Variants in GPC6 observed in about 807,000 individuals in gnomAD.
GPC6 encodes the protein glypican 6, also known as glypican-6.
Under a neutral mutation model 55.2 loss-of-function variants are expected in GPC6, and 14 were observed. The observed-to-expected ratio is 0.25, with a 90% CI of 0.17 to 0.40. The LOEUF is 0.40. Ranked by LOEUF, GPC6 falls within the 10% of genes least tolerant of loss-of-function variation. The pLI is 1.00. For missense variants in GPC6, 641 were observed against 708.5 expected (o/e 0.90, Z 1.08); for synonymous variants, 278 against 259.6 (o/e 1.07, Z -0.68).
intron 3 of GPC6, among the ~76,000 whole-genome samples, chr13:93,849,704 G>C (rs898431860): frequency 3.3e-5 from 5 of 152,046 alleles, no homozygotes; most frequent in Admixed American, 6.6e-5. Flanking sequence ...CATCTTTCCA[G>C]AGGCTTGTTG....
chr13:93,906,659 A>G (rs1411726255), intron 3 of GPC6, among the ~76,000 whole-genome samples: 1 of 152,214 alleles, frequency 6.6e-6, no homozygotes, highest in African/African-American at 2.4e-5. Flanking sequence ...TAAGAAATAC[A>G]AAATGTAGAG....
At chr13:93,566,644 C>CTTTAATTTCAGGGATACATGTGCAGAA in intron 2 of GPC6, among the ~76,000 whole-genome samples, 3 of 150,636 alleles carry the variant, frequency 2.0e-5, no homozygotes, top group African/African-American at 7.4e-5. Flanking sequence ...TAAGCATGTG[C>CTTTAATTTCAGGGATACATGTGCAGAA]CATGGTGGTT....
intron 1 of GPC6, among the ~76,000 whole-genome samples, chr13:93,462,040 A>G (rs552059286): frequency 8.8e-4 from 134 of 152,306 alleles, no homozygotes; most frequent in Non-Finnish European, 1.4e-3. Context: ...CTTTTGATGG[A>G]AAGAAAGAAG....
At chr13:94,339,125 C>T (rs1405231026) in intron 6 of GPC6, among the ~76,000 whole-genome samples, 1 of 151,560 alleles carries the variant, frequency 6.6e-6, no homozygotes, top group Non-Finnish European at 1.5e-5. Flanking sequence ...AGTGAAGTGG[C>T]GCAAACACAG....
At chr13:93,747,664 A>G (rs1454168446) in intron 2 of GPC6, among the ~76,000 whole-genome samples, 1 of 152,192 alleles carries the variant, frequency 6.6e-6, no homozygotes, top group Non-Finnish European at 1.5e-5. Flanking sequence ...TCAACACTTC[A>G]TTAAGAAATA....
chr13:94,015,279 T>G (rs984364285), intron 3 of GPC6, among the ~76,000 whole-genome samples: 11 of 152,308 alleles, frequency 7.2e-5, no homozygotes, highest in African/African-American at 2.4e-4. Context: ...CCCTAATAAT[T>G]AATGATGTTG....
At chr13:93,958,464 A>G (rs79299640) in intron 3 of GPC6, among the ~76,000 whole-genome samples, 1 of 152,058 alleles carries the variant, frequency 6.6e-6, no homozygotes, top group African/African-American at 2.4e-5. Context: ...TCCTTTTCCC[A>G]TTGCTCGTTT....
At chr13:94,097,285 G>A (rs1300953531) in intron 4 of GPC6, among the ~76,000 whole-genome samples, 3 of 151,962 alleles carry the variant, frequency 2.0e-5, no homozygotes, top group South Asian at 2.1e-4. Context: ...GGTGGATCAC[G>A]AGGTCAGGAG....
chr13:93,495,701 C>T (rs1179274798), intron 1 of GPC6, among the ~76,000 whole-genome samples: 8 of 124,560 alleles, frequency 6.4e-5, no homozygotes, highest in East Asian at 3.7e-4. Context: ...GATGGGTTTT[C>T]GGTGTGGATG....
intron 4 of GPC6, among the ~76,000 whole-genome samples, chr13:94,196,472 A>G (rs1364058469): frequency 6.6e-6 from 1 of 152,208 alleles, no homozygotes; most frequent in African/African-American, 2.4e-5. Flanking sequence ...AAGTATGTCC[A>G]AAAGTAACAA....
Position 93,304,902 on chromosome 13 carries a change from T to C in GPC6, c.160+77286T>C, listed in dbSNP as rs141117617. Among the ~76,000 whole-genome samples, 8 of 152,288 alleles carry C rather than the reference T, an allele frequency of 5.3e-5. No homozygotes were observed. The East Asian group carries it at 1.5e-3, about 29-fold the overall frequency. ...TTGTCTATACAAGTATGTTTGGCTT[T>C]CTCTGTTTTGGCATCTTACCTTTGT... On this transcript the variant is annotated intron_variant, in intron 1 of 8. Transcript: ENST00000377047.
chr13:93,254,741 T>C (rs1421279901), intron 1 of GPC6, among the ~76,000 whole-genome samples: 1 of 151,918 alleles, frequency 6.6e-6, no homozygotes, highest in Non-Finnish European at 1.5e-5. Context: ...GATGCCCAGA[T>C]GACAACAAGC....
At chr13:93,457,958 C>G (rs1878528300) in intron 1 of GPC6, among the ~76,000 whole-genome samples, 1 of 152,182 alleles carries the variant, frequency 6.6e-6, no homozygotes, top group Non-Finnish European at 1.5e-5. Flanking sequence ...CTTTCTGCCT[C>G]TCCCTCACTC....
chr13:93,400,529 G>C (rs1397691904), intron 1 of GPC6, among the ~76,000 whole-genome samples: 1 of 151,996 alleles, frequency 6.6e-6, no homozygotes, highest in Non-Finnish European at 1.5e-5. Context: ...AATTATACCA[G>C]GTATTTGATA....
At chr13:93,915,867 G>A (rs918426185) in intron 3 of GPC6, among the ~76,000 whole-genome samples, 3 of 152,118 alleles carry the variant, frequency 2.0e-5, no homozygotes, top group African/African-American at 7.2e-5. Flanking sequence ...ACCTCACTGC[G>A]CAGATTGGAT....
At chr13:93,618,417 A>G (rs1878815576) in intron 2 of GPC6, among the ~76,000 whole-genome samples, 1 of 152,102 alleles carries the variant, frequency 6.6e-6, no homozygotes, top group Non-Finnish European at 1.5e-5. Context: ...AGTGAGCCTC[A>G]CATACTCATC....
intron 6 of GPC6, among the ~76,000 whole-genome samples, chr13:94,359,747 G>A (rs1257960936): frequency 6.6e-6 from 1 of 151,878 alleles, no homozygotes; most frequent in Non-Finnish European, 1.5e-5. Flanking sequence ...CCTGGCGTTT[G>A]ATCTTTCAGA....
intron 4 of GPC6, among the ~76,000 whole-genome samples, chr13:94,246,117 C>A (rs1329605258): frequency 1.3e-5 from 2 of 151,956 alleles, no homozygotes; most frequent in African/African-American, 4.8e-5. Flanking sequence ...GATTAGGGAT[C>A]TTGTGTATCT....
chr13:93,928,117 C>T (rs7991959), intron 3 of GPC6, among the ~76,000 whole-genome samples: 48,045 of 151,914 alleles, frequency 0.32, 7,848 homozygotes, highest in Middle Eastern at 0.43. Flanking sequence ...AACACAAATT[C>T]CAGTGGTGGC....
Sources: gnomAD v4.1 joint callset for allele counts (sites outside exome capture counted in the v4.1 genomes callset) on GRCh38, gnomAD v4.1.1 for gene constraint, MANE v1.5 for transcripts, NCBI Gene and HGNC (gene_info 2026-07-23, HGNC 2026-07-21) for gene names.